The following AACS variants were observed in gnomAD, a reference collection of about 807,000 sequenced individuals.
AACS encodes the protein acetoacetyl-CoA synthetase, also known as acetoacetate-CoA ligase.
Under a neutral mutation model 83.1 loss-of-function variants are expected in AACS, and 69 were observed. The ratio of observed to expected loss-of-function variants is 0.83; its 90% CI spans 0.68 to 1.01. AACS has a LOEUF of 1.01. Among genes scored for constraint, AACS ranks in the 50% least tolerant of loss-of-function variants. The probability of loss-of-function intolerance (pLI) is 0.00; values close to 1 mark genes in which losing one functional copy is unlikely to be tolerated. For synonymous variants in AACS, 333 were observed against 343.4 expected (o/e 0.97, Z 0.33); for missense variants, 866 against 882.2 (o/e 0.98, Z 0.23).
At chr12:125,132,790 T>A (rs1459527514) in intron 14 of AACS, among the ~76,000 whole-genome samples, 1 of 152,206 alleles carries the variant, frequency 6.6e-6, no homozygotes, top group Non-Finnish European at 1.5e-5. Context: ...CCCTTGGCCT[T>A]CGTCCCCATA....
intron 14 of AACS, among the ~76,000 whole-genome samples, chr12:125,131,881 G>A (rs974825025): frequency 2.0e-4 from 31 of 152,230 alleles, no homozygotes; most frequent in African/African-American, 7.2e-4. Context: ...ACAGGCGTGA[G>A]CCACCAGGCC....
chr12:125,080,612 G>T, intron 3 of AACS, among the ~76,000 whole-genome samples: 1 of 136,622 alleles, frequency 7.3e-6, no homozygotes, highest in Non-Finnish European at 1.6e-5. Context: ...ACCTTAGCCT[G>T]TCTTCTCTTC....
chr12:125,076,433 G>T (rs1956022778), intron 2 of AACS, 58 bp from the exon 3 acceptor site: 1 of 1,581,182 alleles, frequency 6.3e-7, no homozygotes, highest in Admixed American at 1.8e-5. Context: ...CTCATGTTTT[G>T]CTGATCTGTA....
chr12:125,067,621 C>T (rs914120317), intron 1 of AACS, among the ~76,000 whole-genome samples: 28 of 152,226 alleles, frequency 1.8e-4, no homozygotes, highest in Middle Eastern at 3.4e-3. Context: ...GCAACCTCTG[C>T]CTCCTGGGTT....
chr12:125,068,355 A>G (rs918074308), intron 1 of AACS, among the ~76,000 whole-genome samples: 9 of 152,112 alleles, frequency 5.9e-5, no homozygotes, highest in African/African-American at 1.9e-4. Context: ...GCTACTCTGG[A>G]GACTAAGGTG....
chr12:125,065,839 G>A, intron 1 of AACS, 122 bp downstream of exon 1: 1 of 1,353,232 alleles, frequency 7.4e-7, no homozygotes. Context: ...TGATGGCGGG[G>A]AGGCCTTCTG....
chr12:125,067,953 AT>A (rs1465578747), intron 1 of AACS, among the ~76,000 whole-genome samples: 2 of 152,212 alleles, frequency 1.3e-5, no homozygotes, highest in Non-Finnish European at 2.9e-5. Flanking sequence ...GACCTGAGTC[AT>A]TGAGTGGGTG....
chr12:125,080,592 C>G (rs1402369333), intron 3 of AACS, among the ~76,000 whole-genome samples: 1 of 152,044 alleles, frequency 6.6e-6, no homozygotes, highest in East Asian at 1.9e-4. Context: ...TTCACACCCC[C>G]TACCCCTTTA....
intron 5 of AACS, among the ~76,000 whole-genome samples, chr12:125,099,146 T>C (rs1193658155): frequency 6.6e-6 from 1 of 152,250 alleles, no homozygotes; most frequent in African/African-American, 2.4e-5. Flanking sequence ...TATCAGAAGC[T>C]TCCAAGATAA....
chr12:125,089,847 A>C (rs879858309), intron 4 of AACS, among the ~76,000 whole-genome samples: 3 of 144,086 alleles, frequency 2.1e-5, no homozygotes, highest in African/African-American at 7.9e-5. Flanking sequence ...ACCATCATTT[A>C]TCCATCCATC....
chr12:125,101,622 G>T (rs1397920133), intron 5 of AACS: 3 of 152,104 alleles, frequency 2.0e-5, no homozygotes, highest in Non-Finnish European at 4.4e-5. Context: ...GTAAGGTGGG[G>T]AATCTTTTTG....
intron 5 of AACS, among the ~76,000 whole-genome samples, chr12:125,099,593 G>A (rs76294837): frequency 6.6e-6 from 1 of 152,214 alleles, no homozygotes; most frequent in African/African-American, 2.4e-5. Context: ...ATTCTGAGCA[G>A]TAAATGAGCG....
At chr12:125,133,174 T>G (rs1470799652) in intron 14 of AACS, among the ~76,000 whole-genome samples, 1 of 152,160 alleles carries the variant, frequency 6.6e-6, no homozygotes, top group African/African-American at 2.4e-5. Context: ...CTGGTGGTGG[T>G]GTCAGCAGGA....
chr12:125,106,533 T>C (rs1956837391), intron 7 of AACS, among the ~76,000 whole-genome samples: 3 of 152,306 alleles, frequency 2.0e-5, no homozygotes, highest in South Asian at 4.1e-4. Flanking sequence ...TGCTGAGCGG[T>C]TCTCTGTCAT....
intron 10 of AACS, among the ~76,000 whole-genome samples, chr12:125,119,504 G>C (rs191875338): frequency 6.6e-6 from 1 of 152,162 alleles, no homozygotes; most frequent in African/African-American, 2.4e-5. Flanking sequence ...GACTGGGGAG[G>C]CCTCACAATC....
At chr12:125,136,388 C>A (rs984964781) in intron 16 of AACS, among the ~76,000 whole-genome samples, 7 of 152,132 alleles carry the variant, frequency 4.6e-5, no homozygotes, top group African/African-American at 9.7e-5. Flanking sequence ...TTAAGTAAGG[C>A]CCACACCTGG....
At chr12:125,077,011 A>C (rs1018989282) in intron 3 of AACS, among the ~76,000 whole-genome samples, 2 of 151,600 alleles carry the variant, frequency 1.3e-5, no homozygotes, top group Non-Finnish European at 2.9e-5. Flanking sequence ...AGGCTCAAGC[A>C]ATCCTCCCAC....
chr12:125,081,573 C>A (rs948593993), intron 3 of AACS, among the ~76,000 whole-genome samples: 4 of 152,148 alleles, frequency 2.6e-5, no homozygotes, highest in Non-Finnish European at 5.9e-5. Flanking sequence ...TATGGGTAAT[C>A]CCCGTCGAGG....
intron 8 of AACS, 46 bp downstream of exon 8, chr12:125,107,314 G>C: frequency 3.8e-6 from 6 of 1,599,698 alleles, no homozygotes; most frequent in Admixed American, 1.7e-5. Context: ...TTGTCTGTTT[G>C]CTTCAACAGG....
Sources: allele counts gnomAD v4.1 joint callset (sites outside exome capture counted in the v4.1 genomes callset), GRCh38; gene constraint gnomAD v4.1.1; transcripts MANE v1.5; gene names NCBI Gene and HGNC (gene_info 2026-07-23, HGNC 2026-07-21).